The following ANGPT1 variants were observed in gnomAD, a reference collection of about 807,000 sequenced individuals.
The protein encoded by ANGPT1 is angiopoietin-1.
A neutral mutation model predicts 62.2 loss-of-function variants in ANGPT1; 17 were observed. That is an observed-to-expected ratio of 0.27 (90% CI 0.19 to 0.41). The LOEUF is 0.41. Ranked by LOEUF, ANGPT1 falls within the 10% of genes least tolerant of loss-of-function variation. ANGPT1 has a pLI of 1.00. For synonymous variants in ANGPT1, 199 were observed against 198.9 expected (o/e 1.00, Z 0.00); for missense variants, 478 against 594.9 (o/e 0.80, Z 2.04).
chr8:107,403,246 G>C (rs193178744), intron 1 of ANGPT1, among the ~76,000 whole-genome samples: 1 of 152,094 alleles, frequency 6.6e-6, no homozygotes, highest in Non-Finnish European at 1.5e-5. Flanking sequence ...CAAGAAGAAG[G>C]GCAGTTTCTC....
chr8:107,474,589 A>G (rs1405977302), intron 1 of ANGPT1, among the ~76,000 whole-genome samples: 9 of 152,188 alleles, frequency 5.9e-5, no homozygotes, highest in African/African-American at 2.2e-4. Context: ...GGCCAGGGCA[A>G]TTAGGCAGGA....
At chr8:107,475,092 T>C (rs185840479) in intron 1 of ANGPT1, among the ~76,000 whole-genome samples, 9 of 152,224 alleles carry the variant, frequency 5.9e-5, no homozygotes, top group African/African-American at 2.2e-4. Flanking sequence ...TACTTTAAAG[T>C]TCATATGGAA....
chr8:107,270,674 C>T (rs1813714568), intron 7 of ANGPT1, among the ~76,000 whole-genome samples: 1 of 151,894 alleles, frequency 6.6e-6, no homozygotes, highest in Non-Finnish European at 1.5e-5. Flanking sequence ...CTCTATTGTC[C>T]ATACATGAAC....
chr8:107,422,047 G>GC (rs1198076850), intron 1 of ANGPT1, among the ~76,000 whole-genome samples: 1 of 152,064 alleles, frequency 6.6e-6, no homozygotes, highest in Non-Finnish European at 1.5e-5. Flanking sequence ...GAGTAAGAAA[G>GC]CCCATCCATA....
intron 1 of ANGPT1, among the ~76,000 whole-genome samples, chr8:107,439,226 T>C (rs1811409915): frequency 6.6e-6 from 1 of 152,210 alleles, no homozygotes; most frequent in South Asian, 2.1e-4. Flanking sequence ...CAGATTCCAG[T>C]GCAGGCCCAT....
intron 1 of ANGPT1, among the ~76,000 whole-genome samples, chr8:107,379,740 C>A (rs1816598216): frequency 6.6e-6 from 1 of 152,024 alleles, no homozygotes; most frequent in Non-Finnish European, 1.5e-5. Flanking sequence ...TAACCTATAG[C>A]TTTATGGTAT....
intron 5 of ANGPT1, among the ~76,000 whole-genome samples, chr8:107,298,950 A>C (rs1022862080): frequency 1.3e-5 from 2 of 151,816 alleles, no homozygotes; most frequent in Non-Finnish European, 2.9e-5. Context: ...GGAAGGGTGA[A>C]AGTCTTAACG....
At chr8:107,377,498 T>G (rs2130262124) in intron 1 of ANGPT1, among the ~76,000 whole-genome samples, 1 of 152,342 alleles carries the variant, frequency 6.6e-6, no homozygotes, top group African/African-American at 2.4e-5. Flanking sequence ...AGGGACTTTC[T>G]AAAGATAGTA....
At chr8:107,391,904 A>G (rs1161260381) in intron 1 of ANGPT1, among the ~76,000 whole-genome samples, 1 of 152,180 alleles carries the variant, frequency 6.6e-6, no homozygotes, top group Non-Finnish European at 1.5e-5. Flanking sequence ...ATATTACCAC[A>G]GCTACAATAT....
At chr8:107,380,359 TTG>T (rs71308731) in intron 1 of ANGPT1, among the ~76,000 whole-genome samples, 10,691 of 148,698 alleles carry the variant, frequency 0.072, 909 homozygotes, top group African/African-American at 0.21. Context: ...TGCAGGATGT[TTG>T]TGTGTGTGTG....
chr8:107,289,593 C>T lies in ANGPT1; in HGVS notation c.1038+4343G>A, dbSNP rs565502883. On this transcript the variant is annotated intron_variant, in intron 6 of 8. Transcript: ENST00000517746. ...ACGTGCAACTCAAGAAAGACTGAAA[C>T]AAATTTTGTATTTCAAAATTTTTAA... Among the ~76,000 whole-genome samples the T allele has an allele frequency of 3.3e-5, 5 of 152,080 alleles. No individual in the cohort carries two copies. In the South Asian group the frequency reaches 1.0e-3, roughly 32 times the overall value.
Position 107,497,573 on chromosome 8 carries a change from A to C in ANGPT1, c.-15T>G. On this transcript the variant is annotated 5_prime_UTR_variant, in exon 1 of 9. Coordinates refer to ENST00000517746, the MANE Select transcript of ANGPT1 (RefSeq NM_001146.5). ...AAAACTGTCATTGTACTGCCAGCAC[A>C]CTCCTTCCGTGCCTCTCGCAAAACT... The C allele has an allele frequency of 3.1e-6, 5 of 1,607,056 alleles. No individual in the cohort carries two copies. The highest frequency in any genetic ancestry group is 4.3e-6 in the Non-Finnish European group (5 of 1,175,658).
intron 5 of ANGPT1, among the ~76,000 whole-genome samples, chr8:107,300,008 G>GAT (rs1554580312): frequency 3.7e-5 from 5 of 135,610 alleles, no homozygotes; most frequent in Non-Finnish European, 4.7e-5. Flanking sequence ...TATATATCTA[G>GAT]ATATCTAGAT....
chr8:107,328,936 GT>G (rs1305245791), intron 3 of ANGPT1, among the ~76,000 whole-genome samples: 7 of 151,660 alleles, frequency 4.6e-5, no homozygotes, highest in African/African-American at 1.7e-4. Context: ...CTTATAATAG[GT>G]TATAAATTAT....
At chr8:107,330,867 G>C (rs1053182366) in intron 3 of ANGPT1, among the ~76,000 whole-genome samples, 1 of 151,812 alleles carries the variant, frequency 6.6e-6, no homozygotes, top group Non-Finnish European at 1.5e-5. Flanking sequence ...AGATACTACG[G>C]TTATTATAAT....
chr8:107,322,779 ATATGT>A (rs1436167978), intron 3 of ANGPT1: 4 of 265,694 alleles, frequency 1.5e-5, no homozygotes, highest in African/African-American at 2.3e-5. Flanking sequence ...AATGCTCAAA[ATATGT>A]TAGGTGAAAA....
At chr8:107,370,935 G>C (rs748643623) in intron 1 of ANGPT1, among the ~76,000 whole-genome samples, 1 of 150,138 alleles carries the variant, frequency 6.7e-6, no homozygotes, top group Non-Finnish European at 1.5e-5. Context: ...CAATAGACTT[G>C]CTCGACACAG....
chr8:107,309,749 C>T (rs1814804798), intron 4 of ANGPT1, among the ~76,000 whole-genome samples: 1 of 152,054 alleles, frequency 6.6e-6, no homozygotes, highest in Non-Finnish European at 1.5e-5. Flanking sequence ...AAAGCATATG[C>T]ATACAAACCT....
In ANGPT1 at chr8:107,390,730, G is replaced by A. The variant is rs147034698; in HGVS notation, c.298-43633C>T. Reference sequence around the variant, plus strand: ...AAATATTTTACAAATAATAACTCACGTAATTCTTAGAACAACTCTTTGAGG... The same window carrying A: ...AAATATTTTACAAATAATAACTCACATAATTCTTAGAACAACTCTTTGAGG... On this transcript the variant is annotated intron_variant, in intron 1 of 8. Coordinates refer to ENST00000517746, the MANE Select transcript of ANGPT1 (RefSeq NM_001146.5). Among the ~76,000 whole-genome samples the A allele has an allele frequency of 3.0e-4, 45 of 152,214 alleles. No homozygotes were observed. In the Middle Eastern group the frequency reaches 0.01, roughly 35 times the overall value.
Sources: gnomAD v4.1 joint callset for allele counts (sites outside exome capture counted in the v4.1 genomes callset) on GRCh38, gnomAD v4.1.1 for gene constraint, MANE v1.5 for transcripts, NCBI Gene and HGNC (gene_info 2026-07-23, HGNC 2026-07-21) for gene names.